RFX4: variants seen among roughly 807,000 people sequenced by gnomAD.
RFX4 encodes the protein regulatory factor X4.
Under a neutral mutation model 95.0 loss-of-function variants are expected in RFX4, and 10 were observed. That is an observed-to-expected ratio of 0.11 (90% CI 0.06 to 0.18). The LOEUF is 0.18. RFX4 is among the 10% of genes least tolerant of loss of function. The probability of loss-of-function intolerance (pLI) is 1.00; values close to 1 mark genes in which losing one functional copy is unlikely to be tolerated. For missense variants in RFX4, 640 were observed against 922.0 expected (o/e 0.69, Z 3.96); for synonymous variants, 321 against 340.7 (o/e 0.94, Z 0.64).
intron 17 of RFX4, among the ~76,000 whole-genome samples, chr12:106,752,400 G>A (rs112883357): frequency 0.016 from 2,490 of 152,174 alleles, 78 homozygotes; most frequent in African/African-American, 0.057. Flanking sequence ...GTGGGTGCTC[G>A]GCCAGTGTTC....
At chr12:106,644,205 G>A (rs2040693938) in intron 3 of RFX4, among the ~76,000 whole-genome samples, 1 of 151,124 alleles carries the variant, frequency 6.6e-6, no homozygotes, top group East Asian at 1.9e-4. Flanking sequence ...ATAAGACAAT[G>A]GCAGAATTAA....
At position 106,711,454 on chromosome 12, in the gene RFX4, G is replaced by A; in HGVS notation, c.936G>A (p.Leu312=). Residue 312 remains leucine (L), a splice_region_variant and synonymous_variant, in exon 10 of 18, where the codon TTG becomes TTA. Transcript: ENST00000392842. ...PENLRNIKFE[L]SRRFSQILRR... ...AAACTAATTCTTTTCTCCTTGCAGT[G>A]TCGAGAAGGTTCTCCCAAATTCTGA... is the stretch of plus-strand genomic sequence containing the variant. 6.2e-7 allele frequency: 1 copy of A among 1,613,314 alleles called. No individual in the cohort carries two copies. The highest frequency in any genetic ancestry group is 1.3e-5 in the African/African-American group (1 of 75,016).
At chr12:106,626,823 C>T (rs2040310344) in intron 2 of RFX4, among the ~76,000 whole-genome samples, 1 of 152,170 alleles carries the variant, frequency 6.6e-6, no homozygotes. Flanking sequence ...CCAAGAGGTG[C>T]TCAAGTCCTC....
intron 8 of RFX4, among the ~76,000 whole-genome samples, chr12:106,701,504 T>C (rs141350247): frequency 1.1e-4 from 16 of 152,324 alleles, no homozygotes; most frequent in African/African-American, 3.4e-4. Flanking sequence ...ATTACAAGTA[T>C]GTTAGGCCAT....
intron 15 of RFX4, among the ~76,000 whole-genome samples, chr12:106,737,944 G>A (rs570408404): frequency 1.0e-3 from 152 of 152,318 alleles, no homozygotes; most frequent in African/African-American, 3.5e-3. Flanking sequence ...TCTTTCCATA[G>A]TGGGTTGTTG....
intron 4 of RFX4, among the ~76,000 whole-genome samples, chr12:106,674,318 C>T (rs534317964): frequency 9.9e-5 from 15 of 151,906 alleles, no homozygotes; most frequent in African/African-American, 3.6e-4. Context: ...ATAACATCCC[C>T]ACCTCCATTT....
chr12:106,601,866 C>T (rs1211339273), intron 1 of RFX4, among the ~76,000 whole-genome samples: 1 of 152,206 alleles, frequency 6.6e-6, no homozygotes, highest in Non-Finnish European at 1.5e-5. Context: ...TGAAGGCAGC[C>T]CTCCTGCCTG....
chr12:106,672,647 C>T (rs990720853), intron 4 of RFX4, among the ~76,000 whole-genome samples: 5 of 152,082 alleles, frequency 3.3e-5, no homozygotes, highest in Admixed American at 1.3e-4. Flanking sequence ...GCTGAACCGA[C>T]CCTGCATTTT....
chr12:106,716,987 T>G (rs932591015), intron 11 of RFX4, among the ~76,000 whole-genome samples: 4 of 138,320 alleles, frequency 2.9e-5, no homozygotes, highest in Admixed American at 7.6e-5. Flanking sequence ...ATTGTATTCA[T>G]GTGCACAGGA....
At chr12:106,732,826 C>A in intron 14 of RFX4, 98 bp from the exon 15 acceptor site, 1 of 1,207,880 alleles carries the variant, frequency 8.3e-7, no homozygotes, top group Non-Finnish European at 1.2e-6. Context: ...AAGAGAGTGA[C>A]ATCACACAGA....
intron 2 of RFX4, among the ~76,000 whole-genome samples, chr12:106,629,173 G>T (rs186819614): frequency 2.6e-5 from 4 of 152,064 alleles, no homozygotes; most frequent in Non-Finnish European, 4.4e-5. Context: ...AACATAGAAA[G>T]CGTCCTCATT....
intron 4 of RFX4, among the ~76,000 whole-genome samples, chr12:106,671,677 T>C (rs1200767414): frequency 6.6e-6 from 1 of 152,108 alleles, no homozygotes; most frequent in African/African-American, 2.4e-5. Flanking sequence ...TTTCTTTTGT[T>C]TGGAGATGGA....
chr12:106,586,315 G>A lies in RFX4; in HGVS notation c.43+2952G>A, dbSNP rs749333739. Among the ~76,000 whole-genome samples, 1 of 152,062 alleles carries A rather than the reference G, an allele frequency of 6.6e-6. No homozygotes were observed. Among genetic ancestry groups the A allele is most frequent in the Non-Finnish European group, 1.5e-5 (1 of 67,982 alleles). On this transcript the variant is annotated intron_variant, in intron 1 of 17. Coordinates refer to ENST00000392842, the MANE Select transcript of RFX4 (RefSeq NM_213594.3). This position sits in a 1 kb window ranked among gnomAD's most constrained non-coding sequence, Gnocchi z 5.6. ...GGGTGCTGAGCCCCGCGTGGCCTGC[G>A]CTCCCCACGCGGGCCACCGGCAGCT...
Position 106,730,766 on chromosome 12 carries a change from C to T in RFX4, c.1352-1364C>T, listed in dbSNP as rs928429143. 7.2e-5 allele frequency among the ~76,000 whole-genome samples: 11 copies of T among 152,206 alleles called. No individual in the cohort carries two copies. The East Asian group carries it at 9.7e-4, about 13-fold the overall frequency. Reference sequence around the variant, plus strand: ...CTGTAATCCCAGCACCTTGGGAGGCCGAGGTAGGTGGATCACCTGAGGTCA... The same window carrying T: ...CTGTAATCCCAGCACCTTGGGAGGCTGAGGTAGGTGGATCACCTGAGGTCA... On this transcript the variant is annotated intron_variant, in intron 13 of 17. Transcript: ENST00000392842.
At chr12:106,718,028 A>AT (rs1464437800) in intron 11 of RFX4, among the ~76,000 whole-genome samples, 1 of 152,202 alleles carries the variant, frequency 6.6e-6, no homozygotes, top group Non-Finnish European at 1.5e-5. Flanking sequence ...CTTACCTTAG[A>AT]TTTTAAAAGT....
chr12:106,656,093 G>A (rs970614450), intron 4 of RFX4, among the ~76,000 whole-genome samples: 48 of 152,136 alleles, frequency 3.2e-4, no homozygotes, highest in Middle Eastern at 3.4e-3. Flanking sequence ...CAGTTTAAGC[G>A]CACGCCTTCA....
At chr12:106,708,561 G>C (rs2042132446) in intron 8 of RFX4, among the ~76,000 whole-genome samples, 1 of 152,172 alleles carries the variant, frequency 6.6e-6, no homozygotes, top group Non-Finnish European at 1.5e-5. Flanking sequence ...AACCAGGGCA[G>C]GCTAGGTGGT....
chr12:106,616,343 C>T (rs928459335), intron 2 of RFX4, among the ~76,000 whole-genome samples: 3 of 152,024 alleles, frequency 2.0e-5, no homozygotes, highest in African/African-American at 7.2e-5. Flanking sequence ...TTATATACTT[C>T]TGGGTGTGAT....
intron 1 of RFX4, chr12:106,601,222 TC>T: frequency 1.3e-6 from 2 of 1,548,800 alleles, no homozygotes; most frequent in East Asian, 2.4e-5. Context: ...CTCCTGTGTG[TC>T]GCCACTGCCA....
Sources: gnomAD v4.1 joint callset for allele counts (sites outside exome capture counted in the v4.1 genomes callset) on GRCh38, gnomAD v4.1.1 for gene constraint, Gnocchi (gnomAD v3.1) non-coding constraint, MANE v1.5 for transcripts, NCBI Gene and HGNC (gene_info 2026-07-23, HGNC 2026-07-21) for gene names.